The following DMD variants were observed in gnomAD, a reference collection of about 807,000 sequenced individuals.
The protein encoded by DMD is mutant dystrophin.
In DMD, 63 loss-of-function variants were observed where a neutral mutation model predicts 330.1. The observed-to-expected ratio is 0.19, with a 90% CI of 0.16 to 0.24. The LOEUF is 0.24. DMD is among the 10% of genes least tolerant of loss of function. The pLI is 1.00. For synonymous variants in DMD, 1,223 were observed against 959.8 expected, an observed-to-expected ratio of 1.27 and a Z score of -5.07; for missense variants, 3,344 against 2,684.1, an observed-to-expected ratio of 1.25 and a Z score of -5.43.
At chrX:33,074,269 T>C (rs1217145230) in intron 1 of DMD, among the ~76,000 whole-genome samples, 1 of 111,833 alleles carries the variant, frequency 8.9e-6, no homozygotes, top group Non-Finnish European at 1.9e-5. Flanking sequence ...CTTTTTTTTG[T>C]CTATAAATTT....
At chrX:31,701,450 C>T (rs185920890) in intron 52 of DMD, among the ~76,000 whole-genome samples, 1 of 111,877 alleles carries the variant, frequency 8.9e-6, no homozygotes, top group Non-Finnish European at 1.9e-5. Context: ...TTCAATTCTT[C>T]CTTACCTCCT....
Position 32,667,771 on chromosome X carries a change from T to TTTTG in DMD, c.961-22620_961-22619insCAAA, listed in dbSNP as rs1556900881. ...CTCACCATTCTCTGCTTTTGTGTTT[T>TTTTG]TTTTTTTTTTTTTTCCAGTTTTCTA... On this transcript the variant is annotated intron_variant, in intron 9 of 78. Transcript: ENST00000357033. Among the ~76,000 whole-genome samples, 19 of 106,747 alleles carry TTTTG rather than the reference T, an allele frequency of 1.8e-4. 1 individual carries two copies. The highest frequency in any genetic ancestry group is 6.0e-4 in the African/African-American group (17 of 28,391). 92.7% of individuals were successfully genotyped at this position (106,747 alleles called of 115,157 possible).
In DMD at chrX:32,521,988, C is replaced by T. The variant is rs73453747; in HGVS notation, c.2169-3857G>A. 4.3e-3 allele frequency among the ~76,000 whole-genome samples: 477 copies of T among 111,629 alleles called. 3 individuals are homozygous for T. Among genetic ancestry groups the T allele is most frequent in the African/African-American group, 0.015 (448 of 30,669 alleles). ...ACAGTGAGAGAGCACCAAGTATGAA[C>T]CAGGAAGCCTGCCCTTAAAAGACAC... On this transcript the variant is annotated intron_variant, in intron 17 of 78. Transcript: ENST00000357033.
chrX:32,707,429 C>T (rs1236145667), intron 7 of DMD, among the ~76,000 whole-genome samples: 2 of 111,805 alleles, frequency 1.8e-5, no homozygotes, highest in Non-Finnish European at 3.8e-5. Flanking sequence ...GAGAGTGCCT[C>T]AGAGCAAATG....
intron 44 of DMD, among the ~76,000 whole-genome samples, chrX:32,134,956 G>A (rs2096717514): frequency 8.9e-6 from 1 of 111,769 alleles, no homozygotes; most frequent in Non-Finnish European, 1.9e-5. Flanking sequence ...ATATATTATT[G>A]TAGTAGGGGT....
intron 52 of DMD, among the ~76,000 whole-genome samples, chrX:31,699,695 C>T (rs2083670384): frequency 9.0e-6 from 1 of 111,491 alleles, no homozygotes; most frequent in Admixed American, 9.5e-5. Context: ...TAATGACATG[C>T]ATGTTGAAGA....
chrX:33,319,643 A>C (rs1431363443), intron 1 of DMD, among the ~76,000 whole-genome samples: 1 of 112,233 alleles, frequency 8.9e-6, no homozygotes, highest in Non-Finnish European at 1.9e-5. Context: ...CATCATTATC[A>C]CCTTTACTAT....
At chrX:32,609,859 A>G (rs756846753) in intron 12 of DMD, among the ~76,000 whole-genome samples, 6 of 111,389 alleles carry the variant, frequency 5.4e-5, no homozygotes, top group Non-Finnish European at 1.1e-4. Context: ...AAGGTTATGC[A>G]TCTATGCACA....
chrX:32,017,597 C>T (rs1244877058), intron 44 of DMD, among the ~76,000 whole-genome samples: 4 of 111,661 alleles, frequency 3.6e-5, no homozygotes, highest in African/African-American at 9.8e-5. Context: ...ATGATTAACT[C>T]GGTGAGTCTA....
chrX:31,278,562 C>T lies in DMD; in HGVS notation c.9225-17546G>A, dbSNP rs772205671. On this transcript the variant is annotated intron_variant, in intron 62 of 78. Coordinates refer to ENST00000357033, the MANE Select transcript of DMD (RefSeq NM_004006.3). The stretch of plus-strand genomic sequence containing the variant: ...ATCACTCAGCCTTTTTGTTTTCTTC[C>T]AAATGGCATGGTGATATTGTCACAT... Among the ~76,000 whole-genome samples, 3 of 111,730 alleles carry T rather than the reference C, an allele frequency of 2.7e-5. No individual in the cohort carries two copies. The South Asian group carries it at 1.1e-3, about 42-fold the overall frequency.
At chrX:32,255,282 T>G (rs1051748958) in intron 43 of DMD, among the ~76,000 whole-genome samples, 3 of 112,127 alleles carry the variant, frequency 2.7e-5, no homozygotes, top group Admixed American at 9.5e-5. Context: ...CTGTTTTCAA[T>G]TATTTTGGGT....
chrX:32,622,318 A>G (rs183293416), intron 11 of DMD, among the ~76,000 whole-genome samples: 71 of 111,776 alleles, frequency 6.4e-4, no homozygotes, highest in Non-Finnish European at 5.6e-5. Context: ...ATAAGCACGA[A>G]AACAAAAAGC....
intron 2 of DMD, among the ~76,000 whole-genome samples, chrX:32,958,972 A>G (rs1165344813): frequency 9.2e-6 from 1 of 109,115 alleles, no homozygotes; most frequent in East Asian, 3.0e-4. Flanking sequence ...GGGGGGGATG[A>G]GGGGTGTGTT....
chrX:31,471,449 C>T (rs957060791), intron 59 of DMD, among the ~76,000 whole-genome samples: 8 of 111,734 alleles, frequency 7.2e-5, no homozygotes, highest in Non-Finnish European at 1.1e-4. Context: ...GACATCCCAC[C>T]GTGCTTCTGC....
rs1020694005 is a variant in DMD, at chrX:32,587,581, A to G, written c.1602+8176T>C. Reference sequence around the variant, plus strand: ...AATGAGGGAGAATTATGCTTCTACTAGATAAGATTGGGCAGTATTTCCTTT... The same window carrying G: ...AATGAGGGAGAATTATGCTTCTACTGGATAAGATTGGGCAGTATTTCCTTT... On this transcript the variant is annotated intron_variant, in intron 13 of 78. Transcript: ENST00000357033. 9.0e-5 allele frequency among the ~76,000 whole-genome samples: 10 copies of G among 111,556 alleles called. No individual in the cohort carries two copies. The East Asian group carries it at 2.8e-3, about 31-fold the overall frequency.
At chrX:31,129,946 A>G (rs1197604884) in intron 77 of DMD, among the ~76,000 whole-genome samples, 1 of 111,691 alleles carries the variant, frequency 9.0e-6, no homozygotes. Context: ...CTTATTTGAG[A>G]GGGGATGGTA....
chrX:33,330,332 C>T lies in DMD; in HGVS notation c.7+8927G>A, dbSNP rs765664112. On this transcript the variant is annotated intron_variant, in intron 1 of 17. Coordinates refer to the DMD transcript ENST00000288447. ...GGATAAAACCTTACGGATTATCTAA[C>T]ACAATTTCTTATTGTTACAGGTTTA... 5.4e-5 allele frequency among the ~76,000 whole-genome samples: 6 copies of T among 111,452 alleles called. No homozygotes were observed. In the South Asian group the frequency reaches 2.2e-3, roughly 41 times the overall value.
intron 52 of DMD, among the ~76,000 whole-genome samples, chrX:31,722,106 C>A (rs936934152): frequency 5.1e-5 from 5 of 98,410 alleles, no homozygotes; most frequent in Non-Finnish European, 9.8e-5. Flanking sequence ...AGTTGTATTT[C>A]TTTTTTATTA....
intron 2 of DMD, among the ~76,000 whole-genome samples, chrX:32,889,590 T>G (rs2084989311): frequency 9.0e-6 from 1 of 110,982 alleles, no homozygotes; most frequent in Non-Finnish European, 1.9e-5. Context: ...TCCACCATTG[T>G]GATTTGTTTC....
Sources: allele counts gnomAD v4.1 joint callset (sites outside exome capture counted in the v4.1 genomes callset), GRCh38; gene constraint gnomAD v4.1.1; transcripts MANE v1.5; gene names NCBI Gene and HGNC (gene_info 2026-07-23, HGNC 2026-07-21).